Variants in HIPK2 observed in about 807,000 individuals in gnomAD.
The protein encoded by HIPK2 is homeodomain-interacting protein kinase 2.
Under a neutral mutation model 113.7 loss-of-function variants are expected in HIPK2, and 27 were observed. The ratio of observed to expected loss-of-function variants is 0.24; its 90% CI spans 0.17 to 0.33. The LOEUF (loss-of-function observed/expected upper bound fraction) is 0.33. HIPK2 is among the 10% of genes least tolerant of loss of function. The probability of loss-of-function intolerance (pLI) is 1.00; values close to 1 mark genes in which losing one functional copy is unlikely to be tolerated. For missense variants in HIPK2, 1,257 were observed against 1,588.0 expected (o/e 0.79, Z 3.54); for synonymous variants, 631 against 642.2 (o/e 0.98, Z 0.26).
At chr7:139,711,720 C>T (rs1795074217) in intron 2 of HIPK2, among the ~76,000 whole-genome samples, 1 of 151,582 alleles carries the variant, frequency 6.6e-6, no homozygotes, top group African/African-American at 2.4e-5. Context: ...TGGAAATACC[C>T]CAGTACCAAT....
rs112358077 is a variant in HIPK2 at position 139,600,093 on chromosome 7, C to T, written c.2435+324G>A. Among the ~76,000 whole-genome samples the T allele has an allele frequency of 3.6e-3, 554 of 152,188 alleles. 2 individuals carry two copies. Among genetic ancestry groups the T allele is most frequent in the Non-Finnish European group, 2.9e-3 (196 of 68,008 alleles). ...TTCCTCTTAGTAACTTCCCATCCAC[C>T]GACACCCCCCAACCCTGCCTTGGCT... On this transcript the variant is annotated intron_variant, in intron 11 of 14. Transcript: ENST00000406875.
intron 2 of HIPK2, among the ~76,000 whole-genome samples, chr7:139,653,931 C>T (rs1199030688): frequency 1.3e-5 from 2 of 152,086 alleles, no homozygotes. Context: ...CGAGGTTTCA[C>T]CATCTTTGCC....
chr7:139,672,287 AT>A (rs760941741), intron 2 of HIPK2, among the ~76,000 whole-genome samples: 1 of 152,240 alleles, frequency 6.6e-6, no homozygotes, highest in Non-Finnish European at 1.5e-5. Flanking sequence ...CAAATGCTAC[AT>A]TTATGTAAGT....
rs1282953985 is a variant in HIPK2 at position 139,602,616 on chromosome 7, G to A, written c.2255+1465C>T. ...TGTGTGTGGTCTTTTAGGAGAAAAA[G>A]GGGCGAGGGAAAAAAAAAAACCCAG... On this transcript the variant is annotated intron_variant, in intron 10 of 14. Coordinates refer to ENST00000406875, the MANE Select transcript of HIPK2 (RefSeq NM_022740.5). 2.0e-5 allele frequency among the ~76,000 whole-genome samples: 3 copies of A among 151,474 alleles called. No individual in the cohort carries two copies. The East Asian group carries it at 5.8e-4, about 29-fold the overall frequency.
chr7:139,682,804 A>T (rs1357613624), intron 2 of HIPK2, among the ~76,000 whole-genome samples: 1 of 152,204 alleles, frequency 6.6e-6, no homozygotes, highest in Non-Finnish European at 1.5e-5. Flanking sequence ...GGAAGACTCC[A>T]GTCAGGACAT....
intron 2 of HIPK2, among the ~76,000 whole-genome samples, chr7:139,655,290 A>C (rs77565327): frequency 2.8e-3 from 419 of 152,360 alleles, no homozygotes; most frequent in African/African-American, 9.5e-3. Flanking sequence ...AATTCAGAGC[A>C]AGCGAAGCTA....
intron 1 of HIPK2, among the ~76,000 whole-genome samples, chr7:139,733,397 T>C (rs1025807369): frequency 6.6e-6 from 1 of 152,220 alleles, no homozygotes; most frequent in Non-Finnish European, 1.5e-5. Flanking sequence ...CTCTTTTCCA[T>C]GTAACATTTT....
chr7:139,602,374 G>C (rs1799462921), intron 10 of HIPK2, among the ~76,000 whole-genome samples: 1 of 152,136 alleles, frequency 6.6e-6, no homozygotes, highest in Admixed American at 6.5e-5. Flanking sequence ...CACAATAATA[G>C]ATGTTCTTTG....
chr7:139,670,692 G>A (rs1802235829), intron 2 of HIPK2, among the ~76,000 whole-genome samples: 1 of 149,972 alleles, frequency 6.7e-6, no homozygotes, highest in African/African-American at 2.4e-5. Flanking sequence ...TACCACCTTT[G>A]CATTCCCAAT....
At chr7:139,593,563 C>A (rs572829959) in intron 12 of HIPK2, among the ~76,000 whole-genome samples, 32 of 152,330 alleles carry the variant, frequency 2.1e-4, no homozygotes, top group Middle Eastern at 3.4e-3. Flanking sequence ...CACCCTCAAT[C>A]AGGTCTAAAA....
intron 2 of HIPK2, among the ~76,000 whole-genome samples, chr7:139,710,655 G>T (rs1795034636): frequency 6.6e-6 from 1 of 152,178 alleles, no homozygotes. Context: ...AGTAATGAAT[G>T]TTTGATGAAT....
chr7:139,689,872 G>T (rs2116771457), intron 2 of HIPK2, among the ~76,000 whole-genome samples: 1 of 152,282 alleles, frequency 6.6e-6, no homozygotes, highest in East Asian at 1.9e-4. Context: ...GAGAGCGGCA[G>T]AGCTTCCCTG....
At chr7:139,777,577 G>C in intron 1 of HIPK2, 28 bp downstream of exon 1, 10 of 1,016,332 alleles carry the variant, frequency 9.8e-6, no homozygotes, top group Non-Finnish European at 1.1e-5. Flanking sequence ...CGGCGGGCGC[G>C]GGGTCGGCGG....
At chr7:139,741,478 T>A (rs1796097477) in intron 1 of HIPK2, among the ~76,000 whole-genome samples, 1 of 151,804 alleles carries the variant, frequency 6.6e-6, no homozygotes, top group Non-Finnish European at 1.5e-5. Flanking sequence ...TTGAAGATAT[T>A]GTATTTCAAA....
intron 2 of HIPK2, among the ~76,000 whole-genome samples, chr7:139,636,329 G>C (rs1432726522): frequency 1.3e-5 from 2 of 151,772 alleles, no homozygotes. Context: ...TAAGCCCACC[G>C]TCTTCTCTCC....
chr7:139,705,382 C>CT (rs1452229620), intron 2 of HIPK2, among the ~76,000 whole-genome samples: 165 of 146,810 alleles, frequency 1.1e-3, no homozygotes, highest in African/African-American at 1.5e-3. Context: ...TAGTTTCCCC[C>CT]TTTTTTTTTT....
At chr7:139,629,068 A>T (rs946933427) in intron 4 of HIPK2, 29 bp from the exon 5 acceptor site, 14 of 1,544,420 alleles carry the variant, frequency 9.1e-6, no homozygotes, top group Non-Finnish European at 1.2e-5. Context: ...GCCAATTGGT[A>T]GCGTGACTTA....
At position 139,714,332 on chromosome 7, in the gene HIPK2, T is replaced by C. The variant is rs1365891439; in HGVS notation, c.1103+1600A>G. 1.3e-5 allele frequency among the ~76,000 whole-genome samples: 2 copies of C among 151,860 alleles called. No individual in the cohort carries two copies. The highest frequency in any genetic ancestry group is 2.9e-5 in the Non-Finnish European group (2 of 67,980). ...CCTCCTGTGTGAGTCAGGATTAGGA[T>C]GAAAGGAGACGGGGTGGAAGGTGGG... is the stretch of plus-strand genomic sequence containing the variant. On this transcript the variant is annotated intron_variant, in intron 2 of 14. Coordinates refer to ENST00000406875, the MANE Select transcript of HIPK2 (RefSeq NM_022740.5). This position sits in a 1 kb window ranked among gnomAD's most constrained non-coding sequence, Gnocchi z 4.2.
At position 139,631,160 on chromosome 7, in the gene HIPK2, C is replaced by T; in HGVS notation, c.1347+5G>A. On this transcript the variant is annotated splice_donor_5th_base_variant and intron_variant, in intron 4 of 14. Coordinates refer to ENST00000406875, the MANE Select transcript of HIPK2 (RefSeq NM_022740.5). This position sits in a 1 kb window ranked among gnomAD's most constrained non-coding sequence, Gnocchi z 4.9. ...TGTGAGGAGTGGAGGAGACGCTCTT[C>T]CTACCTTCAGTCTCCACAAAGGATA... is the stretch of plus-strand genomic sequence containing the variant. 6.2e-7 allele frequency: 1 copy of T among 1,609,904 alleles called. No homozygotes were observed. Among genetic ancestry groups the T allele is most frequent in the East Asian group, 2.2e-5 (1 of 44,744 alleles).
Sources: allele counts gnomAD v4.1 joint callset (sites outside exome capture counted in the v4.1 genomes callset), GRCh38; gene constraint gnomAD v4.1.1; non-coding constraint Gnocchi (gnomAD v3.1); transcripts MANE v1.5; gene names NCBI Gene and HGNC (gene_info 2026-07-23, HGNC 2026-07-21).